Variants in OPRM1 observed in about 807,000 individuals in gnomAD.
OPRM1 encodes the protein opioid receptor mu 1, also known as mu-type opioid receptor.
OPRM1 carries 27 observed loss-of-function variants against 31.8 expected under a neutral mutation model. That is an observed-to-expected ratio of 0.85 (90% confidence interval 0.63 to 1.17). The LOEUF (loss-of-function observed/expected upper bound fraction) is 1.17, where lower values mean the gene tolerates loss of function less well. OPRM1 is among the 50% of genes most tolerant of loss of function. The pLI is 0.00. For missense variants in OPRM1, 536 were observed against 511.1 expected (o/e 1.05, Z -0.47); for synonymous variants, 196 against 189.9 (o/e 1.03, Z -0.26).
At chr6:154,063,276 C>T (rs748590359) in intron 1 of OPRM1, among the ~76,000 whole-genome samples, 6 of 151,910 alleles carry the variant, frequency 3.9e-5, no homozygotes, top group South Asian at 2.1e-4. Context: ...AACATCAGTT[C>T]GCACAAACCC....
At chr6:154,152,047 C>T (rs1344405503) in intron 3 of OPRM1, among the ~76,000 whole-genome samples, 2 of 151,190 alleles carry the variant, frequency 1.3e-5, no homozygotes, top group African/African-American at 4.9e-5. Context: ...TATGGTGGCG[C>T]AGGCCTGTAA....
chr6:154,208,574 C>T (rs939585553), intron 3 of OPRM1, among the ~76,000 whole-genome samples: 3 of 152,200 alleles, frequency 2.0e-5, no homozygotes, highest in Admixed American at 1.3e-4. Context: ...CCACTTTATT[C>T]ACTGATGTGT....
chr6:154,157,022 G>T (rs1053280068), intron 3 of OPRM1: 1 of 152,304 alleles, frequency 6.6e-6, no homozygotes, highest in Non-Finnish European at 1.5e-5. Flanking sequence ...CTGCAGGACT[G>T]GGTATAGGAA....
chr6:154,043,992 T>C (rs1405179085), intron 1 of OPRM1, among the ~76,000 whole-genome samples: 1 of 152,182 alleles, frequency 6.6e-6, no homozygotes, highest in African/African-American at 2.4e-5. Context: ...GAGTTTCCTA[T>C]ATTCTTCTCT....
Position 154,238,826 on chromosome 6 carries a change from G to A in OPRM1, c.1165-7867G>A, listed in dbSNP as rs986827797. Reference sequence around the variant, plus strand: ...TTCCCAAAGTGCTGGGATTACAGGCGTGAGCCACCATGCCTGGCCCTATTG... The same window carrying A: ...TTCCCAAAGTGCTGGGATTACAGGCATGAGCCACCATGCCTGGCCCTATTG... On this transcript the variant is annotated intron_variant, in intron 3 of 3. Transcript: ENST00000337049. 5.3e-5 allele frequency among the ~76,000 whole-genome samples: 8 copies of A among 151,926 alleles called. No homozygotes were observed. The South Asian group carries it at 1.2e-3, about 24-fold the overall frequency.
chr6:154,061,125 A>T (rs1365735461), intron 1 of OPRM1, among the ~76,000 whole-genome samples: 1 of 152,178 alleles, frequency 6.6e-6, no homozygotes, highest in African/African-American at 2.4e-5. Flanking sequence ...TTTCTGGAAA[A>T]CTTTGGGGCC....
chr6:154,082,806 A>G (rs1789477121), intron 1 of OPRM1, among the ~76,000 whole-genome samples: 1 of 152,228 alleles, frequency 6.6e-6, no homozygotes, highest in Non-Finnish European at 1.5e-5. Context: ...GGATGCTCTG[A>G]TGCTGTTTTC....
chr6:154,226,072 G>A (rs1020589331), intron 3 of OPRM1, among the ~76,000 whole-genome samples: 3 of 151,948 alleles, frequency 2.0e-5, no homozygotes, highest in Non-Finnish European at 4.4e-5. Flanking sequence ...CTCTTTCAGG[G>A]GTCTTGTTCT....
intron 3 of OPRM1, among the ~76,000 whole-genome samples, chr6:154,183,910 AACAAAAAACAAAGCAAAACAAAAAAC>A (rs1166760116): frequency 6.6e-6 from 1 of 152,148 alleles, no homozygotes. Flanking sequence ...AAACAAAAAA[AACAAAAAACAAAGCAAAACAAAAAAC>A]ACAAACAGGA....
At chr6:154,062,808 C>T (rs191834053) in intron 1 of OPRM1, among the ~76,000 whole-genome samples, 145 of 152,132 alleles carry the variant, frequency 9.5e-4, no homozygotes, top group Non-Finnish European at 1.0e-3. Context: ...AATATTCAGA[C>T]ATCAGCAGGT....
intron 3 of OPRM1, chr6:154,094,163 T>A: frequency 1.8e-6 from 2 of 1,118,016 alleles, no homozygotes; most frequent in Non-Finnish European, 2.4e-6. Flanking sequence ...TATATTATAC[T>A]CTATATGTCA....
chr6:154,171,892 C>T (rs1583698802), intron 3 of OPRM1, among the ~76,000 whole-genome samples: 1 of 152,284 alleles, frequency 6.6e-6, no homozygotes, highest in East Asian at 1.9e-4. Flanking sequence ...TAGAATTCTA[C>T]TTAGATTAAG....
intron 1 of OPRM1, among the ~76,000 whole-genome samples, chr6:154,052,302 C>A: frequency 6.6e-6 from 1 of 152,062 alleles, no homozygotes; most frequent in East Asian, 1.9e-4. Flanking sequence ...GTGTAACAAA[C>A]CTGCATGTTC....
intron 3 of OPRM1, among the ~76,000 whole-genome samples, chr6:154,202,473 A>C (rs9397695): frequency 0.77 from 116,516 of 152,156 alleles, 45,524 homozygotes; most frequent in East Asian, 0.94. Context: ...TCCATTCTGG[A>C]CCAGTCCTGA....
chr6:154,153,683 T>A (rs1293747521), intron 3 of OPRM1, among the ~76,000 whole-genome samples: 4 of 116,444 alleles, frequency 3.4e-5, no homozygotes, highest in Admixed American at 1.8e-4. Flanking sequence ...AAACTCTATC[T>A]CAAAAAAAAA....
At position 154,076,442 on chromosome 6, in the gene OPRM1, G is replaced by T. The variant is rs144404971; in HGVS notation, c.291-13384G>T. ...TAGACGAGGCAGTACAATTAACCCA[G>T]AAATAGATGAAATTATTTTCAACCT... On this transcript the variant is annotated intron_variant, in intron 1 of 3. Coordinates refer to ENST00000330432, the MANE Select transcript of OPRM1 (RefSeq NM_000914.5). Among the ~76,000 whole-genome samples the T allele has an allele frequency of 6.0e-3, 919 of 152,252 alleles. 10 individuals carry two copies. The highest frequency in any genetic ancestry group is 0.021 in the African/African-American group (868 of 41,538).
At chr6:154,018,672 T>C (rs1276336565) in intron 1 of OPRM1, among the ~76,000 whole-genome samples, 2 of 152,106 alleles carry the variant, frequency 1.3e-5, no homozygotes, top group African/African-American at 2.4e-5. Context: ...CTATCCAAAC[T>C]ACAGGTTCGG....
At chr6:154,244,301 G>GGGGTGT (rs1554298351) in intron 3 of OPRM1, among the ~76,000 whole-genome samples, 8 of 148,062 alleles carry the variant, frequency 5.4e-5, no homozygotes, top group African/African-American at 2.0e-4. Context: ...TGTGTGGGTG[G>GGGGTGT]GTGTGTGTGT....
intron 3 of OPRM1, among the ~76,000 whole-genome samples, chr6:154,183,132 A>T (rs1488486366): frequency 6.6e-6 from 1 of 152,124 alleles, no homozygotes; most frequent in Non-Finnish European, 1.5e-5. Context: ...GGTGTGTGCC[A>T]CCACACCCGG....
Sources: gnomAD v4.1 joint callset for allele counts (sites outside exome capture counted in the v4.1 genomes callset) on GRCh38, gnomAD v4.1.1 for gene constraint, MANE v1.5 for transcripts, NCBI Gene and HGNC (gene_info 2026-07-23, HGNC 2026-07-21) for gene names.